Variants in PECR observed in about 807,000 individuals in gnomAD.
The protein encoded by PECR is 2,4-dienoyl-CoA reductase-related protein.
Under a neutral mutation model 35.3 loss-of-function variants are expected in PECR, and 30 were observed. The ratio of observed to expected loss-of-function variants is 0.85; its 90% CI spans 0.64 to 1.15. The LOEUF (loss-of-function observed/expected upper bound fraction) is 1.15. Ranked by LOEUF, PECR falls within the 50% of genes most tolerant of loss-of-function variation. PECR has a pLI of 0.00. For synonymous variants in PECR, 148 were observed against 138.9 expected (o/e 1.07, Z -0.46); for missense variants, 392 against 370.8 (o/e 1.06, Z -0.47).
intron 3 of PECR, among the ~76,000 whole-genome samples, chr2:216,060,607 G>T (rs1695319571): frequency 6.6e-6 from 1 of 152,016 alleles, no homozygotes; most frequent in Admixed American, 6.6e-5. Context: ...AGGTTGCAGT[G>T]GGCTATGCAG....
At chr2:216,066,224 C>T (rs1048355486) in intron 2 of PECR, among the ~76,000 whole-genome samples, 161 bp downstream of exon 2, 5 of 152,234 alleles carry the variant, frequency 3.3e-5, no homozygotes, top group Admixed American at 6.5e-5. Context: ...GATTCGCCGG[C>T]TCAGTAAATC....
At chr2:216,049,156 G>A (rs1162323223) in intron 6 of PECR, 107 bp downstream of exon 6, 1 of 767,022 alleles carries the variant, frequency 1.3e-6, no homozygotes. Flanking sequence ...TGTTCTGCTG[G>A]CAGTGGGAGA....
chr2:216,046,822 G>A (rs1405475431), intron 6 of PECR, among the ~76,000 whole-genome samples: 1 of 151,944 alleles, frequency 6.6e-6, no homozygotes, highest in African/African-American at 2.4e-5. Flanking sequence ...TCACCCAAGA[G>A]TACATGATTA....
intron 1 of PECR, among the ~76,000 whole-genome samples, chr2:216,068,271 T>A (rs1695510868): frequency 7.3e-6 from 1 of 136,744 alleles, no homozygotes. Context: ...ATGACACTGA[T>A]GATATAATTA....
intron 4 of PECR, among the ~76,000 whole-genome samples, chr2:216,056,513 G>A (rs1695227612): frequency 6.6e-6 from 1 of 151,972 alleles, no homozygotes; most frequent in Non-Finnish European, 1.5e-5. Flanking sequence ...CTGAGGTCAG[G>A]AGTTCGAGAC....
chr2:216,049,447 C>G, intron 5 of PECR, 74 bp from the exon 6 acceptor site: 2 of 697,848 alleles, frequency 2.9e-6, no homozygotes, highest in Non-Finnish European at 5.1e-6. Context: ...TATCAAGATA[C>G]TCTACTGGCA....
At chr2:216,049,496 CA>C (rs1331954363) in intron 5 of PECR, 123 bp from the exon 6 acceptor site, 26 of 591,970 alleles carry the variant, frequency 4.4e-5, no homozygotes, top group Admixed American at 3.2e-4. Flanking sequence ...AAAAAGTTAA[CA>C]GTGCTGATAT....
intron 6 of PECR, 56 bp from the exon 7 acceptor site, chr2:216,044,071 C>A: frequency 1.1e-6 from 1 of 881,482 alleles, no homozygotes; most frequent in Non-Finnish European, 1.9e-6. Flanking sequence ...CCATTTCTAA[C>A]CGCCTCACAT....
At position 216,055,004 on chromosome 2, in the gene PECR, T is replaced by C. The variant is rs1695196270; in HGVS notation, c.507-3459A>G. 4.0e-5 allele frequency among the ~76,000 whole-genome samples: 6 copies of C among 149,490 alleles called. No homozygotes were observed. The South Asian group carries it at 1.3e-3, about 32-fold the overall frequency. On this transcript the variant is annotated intron_variant, in intron 4 of 7. Coordinates refer to ENST00000265322, the MANE Select transcript of PECR (RefSeq NM_018441.6). ...GCGTGCACCTGTAATCCCAGCTACA[T>C]GGGAGGCTGAGTCAGGAGAATTGCT... is the stretch of plus-strand genomic sequence containing the variant.
chr2:216,071,626 C>T (rs1170190609), intron 1 of PECR, among the ~76,000 whole-genome samples: 1 of 152,112 alleles, frequency 6.6e-6, no homozygotes, highest in Non-Finnish European at 1.5e-5. Context: ...GCAATATATT[C>T]TCCTGGTTCA....
intron 7 of PECR, among the ~76,000 whole-genome samples, chr2:216,039,663 G>A (rs952145803): frequency 1.7e-4 from 26 of 152,130 alleles, no homozygotes; most frequent in Admixed American, 4.6e-4. Flanking sequence ...GCAGTGCTTC[G>A]CATACTGTGG....
chr2:216,042,985 ATATATACATACGTATATGTG>A lies in PECR; in HGVS notation c.826+899_826+918del. ...TATACACATACGTATATGTGTATATATATATACATACGTATATGTGTATATATATATACACATACGTATAT... is the reference window on the plus strand; with the variant it reads ...TATACACATACGTATATGTGTATATATATATATATATACACATACGTATAT... On this transcript the variant is annotated intron_variant, in intron 7 of 7. Transcript: ENST00000265322. 2.8e-5 allele frequency among the ~76,000 whole-genome samples: 4 copies of A among 143,956 alleles called. 1 individual carries two copies. The highest frequency in any genetic ancestry group is 1.0e-4 in the African/African-American group (4 of 38,346). The allele number at this position is 143,956 out of a possible 152,430, so 94.4% of individuals were successfully genotyped here.
At chr2:216,066,249 C>CT in intron 2 of PECR, 136 bp downstream of exon 2, 1 of 802,446 alleles carries the variant, frequency 1.2e-6, no homozygotes, top group Non-Finnish European at 2.2e-6. Flanking sequence ...ACATGAGAAT[C>CT]TCTTTCACAG....
intron 6 of PECR, among the ~76,000 whole-genome samples, chr2:216,048,805 T>C (rs1195258768): frequency 7.6e-6 from 1 of 131,780 alleles, no homozygotes; most frequent in East Asian, 2.4e-4. Context: ...ATCGTGACAC[T>C]ATACTTAGCC....
rs952561638 is a variant in PECR at position 216,062,518 on chromosome 2, G to C, written c.424+2794C>G. On this transcript the variant is annotated intron_variant, in intron 3 of 7. Transcript: ENST00000265322. Reference sequence around the variant, plus strand: ...CAAATTCACCAATAATTTATATGTGGATTTTCTTCACAATTCTTTAACAAT... The same window carrying C: ...CAAATTCACCAATAATTTATATGTGCATTTTCTTCACAATTCTTTAACAAT... Among the ~76,000 whole-genome samples the C allele has an allele frequency of 2.0e-5, 3 of 152,216 alleles. No homozygotes were observed. The East Asian group carries it at 5.8e-4, about 29-fold the overall frequency.
At chr2:216,072,220 G>A (rs999822657) in intron 1 of PECR, among the ~76,000 whole-genome samples, 2 of 152,162 alleles carry the variant, frequency 1.3e-5, no homozygotes, top group Non-Finnish European at 2.9e-5. Context: ...CCCCTGGGAG[G>A]TAGGGACCCT....
chr2:216,079,852 G>A (rs1048952224), intron 1 of PECR, among the ~76,000 whole-genome samples: 12 of 148,412 alleles, frequency 8.1e-5, no homozygotes, highest in Middle Eastern at 3.4e-3. Context: ...AAGGTAGTGC[G>A]TGCCTGTAAT....
intron 1 of PECR, among the ~76,000 whole-genome samples, chr2:216,079,756 C>A (rs9711580): frequency 6.7e-6 from 1 of 149,006 alleles, no homozygotes; most frequent in Non-Finnish European, 1.5e-5. Flanking sequence ...CCGAGGCGGG[C>A]GGATCACCTG....
At chr2:216,057,499 C>T (rs1363316143) in intron 4 of PECR, among the ~76,000 whole-genome samples, 1 of 152,046 alleles carries the variant, frequency 6.6e-6, no homozygotes, top group African/African-American at 2.4e-5. Flanking sequence ...GATATGCCCC[C>T]AAAACTATTA....
Sources: gnomAD v4.1 joint callset for allele counts (sites outside exome capture counted in the v4.1 genomes callset) on GRCh38, gnomAD v4.1.1 for gene constraint, MANE v1.5 for transcripts, NCBI Gene and HGNC (gene_info 2026-07-23, HGNC 2026-07-21) for gene names.